Variants in CDH13 observed in about 807,000 individuals in gnomAD.
The protein encoded by CDH13 is cadherin 13.
CDH13 carries 24 observed loss-of-function variants against 63.8 expected under a neutral mutation model. That is an observed-to-expected ratio of 0.38 (90% CI 0.27 to 0.53). The LOEUF (loss-of-function observed/expected upper bound fraction) is 0.53, where lower values mean the gene tolerates loss of function less well. CDH13 is among the 20% of genes least tolerant of loss of function. The pLI, the probability that CDH13 is intolerant of heterozygous loss-of-function variation, is 0.85. For missense variants in CDH13, 1,049 were observed against 903.1 expected (o/e 1.16, Z -2.07); for synonymous variants, 503 against 355.3 (o/e 1.42, Z -4.67).
chr16:82,983,980 A>G (rs16959005), intron 2 of CDH13, among the ~76,000 whole-genome samples: 15,864 of 152,236 alleles, frequency 0.1, 916 homozygotes, highest in African/African-American at 0.16. Context: ...TGCCATAGAT[A>G]CAAGGACTTT....
At chr16:83,757,637 G>C (rs1415993428) in intron 11 of CDH13, among the ~76,000 whole-genome samples, 1 of 151,650 alleles carries the variant, frequency 6.6e-6, no homozygotes, top group Non-Finnish European at 1.5e-5. Context: ...TAAAAAGATT[G>C]AATAAAATTG....
chr16:82,677,446 C>CCTTTTT (rs368679058), intron 1 of CDH13, among the ~76,000 whole-genome samples: 24 of 130,710 alleles, frequency 1.8e-4, no homozygotes, highest in African/African-American at 6.3e-4. Context: ...ACTCTTCTGC[C>CCTTTTT]TTTTTTTTTT....
At chr16:83,612,700 T>C (rs1908961134) in intron 8 of CDH13, among the ~76,000 whole-genome samples, 1 of 152,048 alleles carries the variant, frequency 6.6e-6, no homozygotes. Flanking sequence ...TTGTAGTGGG[T>C]TCTGAGAAAT....
At chr16:83,448,872 G>A (rs571576427) in intron 6 of CDH13, among the ~76,000 whole-genome samples, 1 of 152,268 alleles carries the variant, frequency 6.6e-6, no homozygotes, top group Non-Finnish European at 1.5e-5. Flanking sequence ...AAGGTCACAG[G>A]ACTTGATGAT....
intron 1 of CDH13, among the ~76,000 whole-genome samples, chr16:82,774,458 C>G (rs1236299828): frequency 2.0e-5 from 3 of 151,914 alleles, no homozygotes; most frequent in Admixed American, 2.0e-4. Context: ...ATATACATAA[C>G]ATAGAGGAAG....
intron 3 of CDH13, among the ~76,000 whole-genome samples, chr16:83,064,318 G>A (rs1303181969): frequency 6.6e-6 from 1 of 151,840 alleles, no homozygotes; most frequent in Non-Finnish European, 1.5e-5. Flanking sequence ...GCAGTGAGCT[G>A]AGATGGTGCC....
chr16:83,274,999 C>T (rs116347428), intron 5 of CDH13, among the ~76,000 whole-genome samples: 1,658 of 152,256 alleles, frequency 0.011, 27 homozygotes, highest in African/African-American at 0.038. Context: ...TCTGACCCGG[C>T]ACTCCCTATA....
At chr16:83,121,617 A>G (rs895672425) in intron 3 of CDH13, among the ~76,000 whole-genome samples, 1 of 152,228 alleles carries the variant, frequency 6.6e-6, no homozygotes, top group African/African-American at 2.4e-5. Context: ...TTGCCTACTA[A>G]CAAACCCAAA....
At chr16:83,307,579 C>T (rs2089908571) in intron 5 of CDH13, among the ~76,000 whole-genome samples, 1 of 152,212 alleles carries the variant, frequency 6.6e-6, no homozygotes, top group Non-Finnish European at 1.5e-5. Flanking sequence ...CCATGAATTT[C>T]CTCCCTTGGG....
chr16:83,131,412 G>A lies in CDH13; in HGVS notation c.483+5911G>A, dbSNP rs562641861. 5.6e-4 allele frequency among the ~76,000 whole-genome samples: 85 copies of A among 152,318 alleles called. No individual in the cohort carries two copies. The South Asian group carries it at 0.016, about 29-fold the overall frequency. On this transcript the variant is annotated intron_variant, in intron 4 of 13. Coordinates refer to ENST00000567109, the MANE Select transcript of CDH13 (RefSeq NM_001257.5). Reference sequence around the variant, plus strand: ...ATTTTTGAACTCTAGACAGCAGGGAGGAGCTGACAGTGAGTGCTCTGGAGA... The same window carrying A: ...ATTTTTGAACTCTAGACAGCAGGGAAGAGCTGACAGTGAGTGCTCTGGAGA...
intron 10 of CDH13, among the ~76,000 whole-genome samples, chr16:83,694,521 C>T (rs760341566): frequency 3.7e-4 from 57 of 152,232 alleles, no homozygotes; most frequent in Non-Finnish European, 1.0e-4. Flanking sequence ...ACCTCCACAG[C>T]AGACTTGCTG....
intron 2 of CDH13, among the ~76,000 whole-genome samples, chr16:83,001,300 G>A (rs904089405): frequency 6.6e-6 from 1 of 152,276 alleles, no homozygotes; most frequent in African/African-American, 2.4e-5. Context: ...CCTTCTATTG[G>A]AGCTGCTTAG....
At chr16:83,055,974 C>G (rs547792157) in intron 3 of CDH13, among the ~76,000 whole-genome samples, 5 of 152,198 alleles carry the variant, frequency 3.3e-5, no homozygotes, top group South Asian at 4.1e-4. Context: ...GGACATTTAT[C>G]TAGGACATGT....
intron 1 of CDH13, among the ~76,000 whole-genome samples, chr16:82,660,421 C>A (rs1232984978): frequency 6.7e-6 from 1 of 149,334 alleles, no homozygotes; most frequent in African/African-American, 2.6e-5. Flanking sequence ...CCACTATGGG[C>A]GTTCCTGTGC....
intron 3 of CDH13, among the ~76,000 whole-genome samples, chr16:83,038,650 G>A (rs977385938): frequency 3.3e-5 from 5 of 152,268 alleles, no homozygotes; most frequent in South Asian, 2.1e-4. Context: ...AGGGGTCTGC[G>A]TGTGTGTGTT....
chr16:83,314,628 C>G (rs1170126308), intron 5 of CDH13, among the ~76,000 whole-genome samples: 2 of 152,180 alleles, frequency 1.3e-5, no homozygotes, highest in African/African-American at 4.8e-5. Flanking sequence ...TGGGGCTCAG[C>G]TGAAGGTCAG....
intron 1 of CDH13, among the ~76,000 whole-genome samples, chr16:82,743,963 T>C (rs1356045713): frequency 6.6e-6 from 1 of 152,250 alleles, no homozygotes; most frequent in Non-Finnish European, 1.5e-5. Flanking sequence ...ACCTACTATA[T>C]ACCAGGTGCT....
intron 1 of CDH13, among the ~76,000 whole-genome samples, chr16:82,702,799 GCC>G (rs1290603272): frequency 3.9e-5 from 6 of 152,094 alleles, no homozygotes; most frequent in African/African-American, 1.4e-4. Flanking sequence ...GAACCCTGTG[GCC>G]CCCAGGGTTC....
intron 10 of CDH13, among the ~76,000 whole-genome samples, chr16:83,744,165 T>C (rs1467428688): frequency 6.6e-6 from 1 of 152,180 alleles, no homozygotes; most frequent in East Asian, 1.9e-4. Context: ...GACCAACTTT[T>C]ACCTATCCTG....
Sources: gnomAD v4.1 joint callset for allele counts (sites outside exome capture counted in the v4.1 genomes callset) on GRCh38, gnomAD v4.1.1 for gene constraint, MANE v1.5 for transcripts, NCBI Gene and HGNC (gene_info 2026-07-23, HGNC 2026-07-21) for gene names.